SLA: variants seen among roughly 807,000 people sequenced by gnomAD.
SLA encodes Src like adaptor.
A neutral mutation model predicts 30.3 loss-of-function variants in SLA; 16 were observed. The ratio of observed to expected loss-of-function variants is 0.53; its 90% CI spans 0.36 to 0.80. SLA has a LOEUF of 0.80. Ranked by LOEUF, SLA falls within the 30% of genes least tolerant of loss-of-function variation. The pLI is 0.01. For synonymous variants in SLA, 143 were observed against 137.8 expected (o/e 1.04, Z -0.26); for missense variants, 310 against 345.2 (o/e 0.90, Z 0.81).
At chr8:133,064,011 G>A (rs1842748518) in intron 2 of SLA, 1 of 152,218 alleles carries the variant, frequency 6.6e-6, no homozygotes, top group Admixed American at 6.5e-5. Context: ...AGAGAAATGA[G>A]TTAATTAACA....
At chr8:133,060,302 C>T (rs1218970887) in intron 2 of SLA, 102 bp from the exon 3 acceptor site, 3 of 1,569,680 alleles carry the variant, frequency 1.9e-6, no homozygotes, top group Non-Finnish European at 2.6e-6. Context: ...TTTCTGGCAG[C>T]TTGCTTCTTG....
At chr8:133,059,131 C>T (rs888884975) in intron 3 of SLA, 23 of 456,282 alleles carry the variant, frequency 5.0e-5, no homozygotes, top group South Asian at 2.0e-4. Flanking sequence ...CAGCCATCTG[C>T]GCCAGTGAAC....
At chr8:133,074,589 CT>C (rs1313768017) in intron 2 of SLA, among the ~76,000 whole-genome samples, 1 of 152,148 alleles carries the variant, frequency 6.6e-6, no homozygotes, top group Non-Finnish European at 1.5e-5. Flanking sequence ...AAGTACAAGC[CT>C]TTTTGGCGAG....
At chr8:133,084,653 A>G (rs1846247895) in intron 1 of SLA, among the ~76,000 whole-genome samples, 1 of 152,216 alleles carries the variant, frequency 6.6e-6, no homozygotes, top group Non-Finnish European at 1.5e-5. Flanking sequence ...CTGTAGGAAA[A>G]TATGACAGGT....
chr8:133,044,577 G>A (rs766765305), intron 7 of SLA, among the ~76,000 whole-genome samples: 2 of 152,076 alleles, frequency 1.3e-5, no homozygotes, highest in Non-Finnish European at 2.9e-5. Context: ...TAGCTTCATC[G>A]CAGAGGCGTT....
intron 2 of SLA, among the ~76,000 whole-genome samples, chr8:133,062,829 A>T (rs906566053): frequency 1.3e-5 from 2 of 150,972 alleles, no homozygotes; most frequent in East Asian, 3.9e-4. Flanking sequence ...GGAAGCACAC[A>T]TGTGACACGC....
chr8:133,083,742 G>T lies in SLA; in HGVS notation c.-318-8612C>A, dbSNP rs78840393. On this transcript the variant is annotated intron_variant, in intron 1 of 8. Transcript: ENST00000338087. ...TTTTATTTGAAGAGGATTTGAAGAGGATAATGTTGGAATTGTGTGATGTGG... is the reference window on the plus strand; with the variant it reads ...TTTTATTTGAAGAGGATTTGAAGAGTATAATGTTGGAATTGTGTGATGTGG... Among the ~76,000 whole-genome samples the T allele has an allele frequency of 4.5e-3, 690 of 152,244 alleles. 8 individuals are homozygous for T. Among genetic ancestry groups the T allele is most frequent in the African/African-American group, 0.016 (662 of 41,530 alleles).
At chr8:133,043,976 C>T (rs1024575359) in intron 7 of SLA, among the ~76,000 whole-genome samples, 1 of 152,126 alleles carries the variant, frequency 6.6e-6, no homozygotes, top group Non-Finnish European at 1.5e-5. Flanking sequence ...TGGGAGCTCA[C>T]GATTATGGGC....
At chr8:133,044,276 C>T (rs1304047078) in intron 7 of SLA, among the ~76,000 whole-genome samples, 3 of 152,128 alleles carry the variant, frequency 2.0e-5, no homozygotes, top group Non-Finnish European at 2.9e-5. Context: ...ACTCAACTTT[C>T]TCTCTCTGGC....
At chr8:133,054,823 G>C (rs866761686) in intron 3 of SLA, among the ~76,000 whole-genome samples, 1 of 152,194 alleles carries the variant, frequency 6.6e-6, no homozygotes, top group African/African-American at 2.4e-5. Context: ...ACCCAGGCAG[G>C]CCTTACGGGA....
intron 3 of SLA, among the ~76,000 whole-genome samples, chr8:133,054,346 G>A (rs1840957623): frequency 1.3e-5 from 2 of 152,126 alleles, no homozygotes; most frequent in Admixed American, 6.5e-5. Context: ...GAGAATTTTC[G>A]GGAAAGAGAA....
At chr8:133,052,873 G>A (rs1840674631) in intron 3 of SLA, among the ~76,000 whole-genome samples, 1 of 152,232 alleles carries the variant, frequency 6.6e-6, no homozygotes, top group South Asian at 2.1e-4. Context: ...CACTGAGTGG[G>A]ACGCCTCCTT....
At chr8:133,067,073 G>A (rs908705928) in intron 2 of SLA, among the ~76,000 whole-genome samples, 4 of 152,130 alleles carry the variant, frequency 2.6e-5, no homozygotes, top group Admixed American at 2.6e-4. Flanking sequence ...CCTGTGGTCT[G>A]ACCCTTCCTT....
chr8:133,071,788 C>A (rs11990445), intron 2 of SLA, among the ~76,000 whole-genome samples: 1 of 152,084 alleles, frequency 6.6e-6, no homozygotes, highest in African/African-American at 2.4e-5. Context: ...GTTTCCTTCA[C>A]GGCACATACC....
chr8:133,074,774 GTC>G (rs1158598863), intron 2 of SLA, 77 bp downstream of exon 2: 1 of 854,684 alleles, frequency 1.2e-6, no homozygotes, highest in African/African-American at 1.8e-5. Flanking sequence ...ACTCCAGAAA[GTC>G]AACCCCTGCC....
intron 1 of SLA, among the ~76,000 whole-genome samples, chr8:133,084,768 G>T (rs757729390): frequency 1.3e-5 from 2 of 152,230 alleles, no homozygotes; most frequent in African/African-American, 2.4e-5. Context: ...CAGGGGCCTG[G>T]GAAGGCCTCC....
intron 7 of SLA, among the ~76,000 whole-genome samples, chr8:133,043,179 G>A (rs1838640211): frequency 6.6e-6 from 1 of 152,150 alleles, no homozygotes; most frequent in Non-Finnish European, 1.5e-5. Context: ...GAAGGCGCCA[G>A]TGCTGCACTG....
Position 133,049,991 on chromosome 8 carries a change from G to C in SLA, c.162-3C>G. On this transcript the variant is annotated splice_region_variant and splice_polypyrimidine_tract_variant and intron_variant, in intron 4 of 8. Coordinates refer to ENST00000338087, the MANE Select transcript of SLA (RefSeq NM_001045556.3). The stretch of plus-strand genomic sequence containing the variant: ...TAGCTTTCCACCAGCCCCCTTCACT[G>C]TAAGAACAAGAACAGAGAAGAACAC... The C allele has an allele frequency of 6.2e-7, 1 of 1,601,370 alleles. No individual in the cohort carries two copies. The highest frequency in any genetic ancestry group is 1.7e-5 in the Admixed American group (1 of 60,014).
intron 2 of SLA, among the ~76,000 whole-genome samples, chr8:133,067,515 C>T (rs1344560744): frequency 6.6e-6 from 1 of 152,144 alleles, no homozygotes; most frequent in Non-Finnish European, 1.5e-5. Flanking sequence ...ATTTCAAACA[C>T]CTGGAATCCC....
Sources: allele counts gnomAD v4.1 joint callset (sites outside exome capture counted in the v4.1 genomes callset), GRCh38; gene constraint gnomAD v4.1.1; transcripts MANE v1.5; gene names NCBI Gene and HGNC (gene_info 2026-07-23, HGNC 2026-07-21).